Variants in CDH26 observed in about 807,000 individuals in gnomAD.
CDH26 encodes cadherin 26.
In CDH26, 83 loss-of-function variants were observed where a neutral mutation model predicts 90.3. The observed-to-expected ratio is 0.92, with a 90% CI of 0.77 to 1.10. The LOEUF is 1.10. CDH26 is among the 50% of genes least tolerant of loss of function. CDH26 has a pLI of 0.00. For synonymous variants in CDH26, 397 were observed against 396.3 expected, an observed-to-expected ratio of 1.00 and a Z score of -0.02; for missense variants, 1,013 against 1,037.6, an observed-to-expected ratio of 0.98 and a Z score of 0.33.
chr20:60,032,666 C>G lies in CDH26; in HGVS notation c.1144-820C>G, dbSNP rs181638998. ...ATATACACCATGGAATACTATTCAG[C>G]CATAAAAAAGGGTGAGTTCATGTCC... On this transcript the variant is annotated intron_variant, in intron 8 of 8. Transcript: ENST00000370991. Among the ~76,000 whole-genome samples the G allele has an allele frequency of 1.8e-4, 28 of 151,948 alleles. 1 individual carries two copies. Among genetic ancestry groups the G allele is most frequent in the African/African-American group, 6.5e-4 (27 of 41,430 alleles).
intron 3 of CDH26, among the ~76,000 whole-genome samples, chr20:59,971,067 A>G (rs1040985293): frequency 1.4e-4 from 21 of 152,118 alleles, no homozygotes; most frequent in African/African-American, 3.4e-4. Context: ...GAATCTTTAC[A>G]CCAGGCTCAT....
chr20:60,007,218 C>T (rs1399876893), intron 17 of CDH26, among the ~76,000 whole-genome samples: 1 of 152,132 alleles, frequency 6.6e-6, no homozygotes, highest in African/African-American at 2.4e-5. Flanking sequence ...GGGGTTAGGG[C>T]CTGAACATAT....
intron 2 of CDH26, 32 bp downstream of exon 2, chr20:59,969,055 A>G: frequency 7.2e-7 from 1 of 1,394,108 alleles, no homozygotes; most frequent in Non-Finnish European, 1.0e-6. Flanking sequence ...CTTAATATAT[A>G]AAATCAGTCT....
chr20:60,005,250 G>A (rs6015619), intron 16 of CDH26, among the ~76,000 whole-genome samples: 8,939 of 152,178 alleles, frequency 0.059, 886 homozygotes, highest in African/African-American at 0.2. Context: ...AAAGCTTCCA[G>A]TCAACAGTAG....
chr20:59,976,514 G>A (rs536383696), intron 4 of CDH26, among the ~76,000 whole-genome samples: 137 of 152,314 alleles, frequency 9.0e-4, no homozygotes, highest in African/African-American at 3.2e-3. Flanking sequence ...AATGGAAGGA[G>A]TACAGTTGGC....
chr20:59,982,877 T>A (rs771369184), intron 4 of CDH26, 46 bp from the exon 5 acceptor site: 2 of 1,598,694 alleles, frequency 1.3e-6, no homozygotes, highest in South Asian at 2.2e-5. Context: ...TAGAGTGTCA[T>A]CGAGTAAATG....
In CDH26 at chr20:59,996,821, A is replaced by G. The variant is rs189848740; in HGVS notation, c.2019+60A>G. The G allele has an allele frequency of 4.2e-4, 676 of 1,593,300 alleles. No individual in the cohort carries two copies. The Middle Eastern group carries it at 4.9e-3, about 11-fold the overall frequency. On this transcript the variant is annotated intron_variant, in intron 13 of 17. Transcript: ENST00000348616. ...GGAATTCACTAATACACAGACATAT[A>G]GCATGTATTTTTCCCCCCATTGTGC...
chr20:59,963,277 G>A (rs1287938889), intron 1 of CDH26, among the ~76,000 whole-genome samples: 1 of 146,076 alleles, frequency 6.8e-6, no homozygotes, highest in African/African-American at 2.5e-5. Flanking sequence ...TTTTGGCAGG[G>A]TCTCACTCTG....
intron 17 of CDH26, among the ~76,000 whole-genome samples, chr20:60,011,734 C>A (rs1319874192): frequency 1.3e-5 from 2 of 152,126 alleles, no homozygotes; most frequent in African/African-American, 2.4e-5. Context: ...AGGGGGTGCG[C>A]ACTGCACTTG....
intron 14 of CDH26, among the ~76,000 whole-genome samples, chr20:60,000,051 T>G (rs535894716): frequency 6.6e-6 from 1 of 152,380 alleles, no homozygotes; most frequent in Admixed American, 6.5e-5. Context: ...ATATTTCAAC[T>G]GTAAATGAAA....
chr20:59,967,877 C>CTT (rs1436214544), intron 1 of CDH26, among the ~76,000 whole-genome samples: 1 of 89,468 alleles, frequency 1.1e-5, no homozygotes, highest in Non-Finnish European at 2.0e-5. Context: ...TTCTTTCTTT[C>CTT]TTCCTTCCTT....
chr20:60,017,233 C>T (rs532098966), downstream of CDH26, among the ~76,000 whole-genome samples: 85 of 152,126 alleles, frequency 5.6e-4, no homozygotes, highest in Non-Finnish European at 1.1e-3. Flanking sequence ...GTGAAACCAT[C>T]CGGCCCTGAA....
intron 1 of CDH26, among the ~76,000 whole-genome samples, chr20:59,967,320 ATTTC>A (rs1483780098): frequency 2.0e-5 from 3 of 152,120 alleles, no homozygotes; most frequent in Non-Finnish European, 2.9e-5. Context: ...GTCATTCTCT[ATTTC>A]TTTCTGTATG....
chr20:60,006,882 C>T, intron 17 of CDH26, 95 bp downstream of exon 17: 1 of 879,540 alleles, frequency 1.1e-6, no homozygotes, highest in Non-Finnish European at 1.9e-6. Flanking sequence ...TCCTAAATCA[C>T]TGCATTAGTC....
intron 13 of CDH26, among the ~76,000 whole-genome samples, chr20:59,999,022 G>A (rs1039011200): frequency 7.9e-5 from 12 of 152,012 alleles, no homozygotes; most frequent in African/African-American, 2.2e-4. Flanking sequence ...GCAAGATATC[G>A]TCACTAGCTG....
intron 8 of CDH26, among the ~76,000 whole-genome samples, chr20:59,987,933 C>T (rs1253010937): frequency 6.6e-6 from 1 of 152,094 alleles, no homozygotes; most frequent in African/African-American, 2.4e-5. Flanking sequence ...TTACATAGGC[C>T]TTAAAATGAT....
At chr20:59,977,002 G>A (rs560614242) in intron 4 of CDH26, among the ~76,000 whole-genome samples, 1 of 152,122 alleles carries the variant, frequency 6.6e-6, no homozygotes, top group Non-Finnish European at 1.5e-5. Flanking sequence ...AGAATCGGCG[G>A]AAGGTGCAGT....
chr20:59,958,614 C>A lies in CDH26; in HGVS notation c.-113C>A, dbSNP rs2061027467. ...CATCTGGGCCAAAGTGACCTGAAAA[C>A]CTTTAGAGAAGAAGCTGCTGGCTGA... On this transcript the variant is annotated 5_prime_UTR_variant, in exon 1 of 18. Transcript: ENST00000348616. 4 of 977,392 alleles carry A rather than the reference C, an allele frequency of 4.1e-6. No individual in the cohort carries two copies. In the Admixed American group the frequency reaches 7.5e-5, roughly 18 times the overall value. The allele number at this position is 977,392 out of a possible 1,614,324, so 60.5% of individuals were successfully genotyped here.
chr20:59,992,420 CAAA>C lies in CDH26; in HGVS notation c.1329_1331del (p.Lys443del), dbSNP rs776891567. 1 of 1,614,080 alleles carries C rather than the reference CAAA, an allele frequency of 6.2e-7. No homozygotes were observed. The highest frequency in any genetic ancestry group is 1.7e-5 in the Admixed American group (1 of 60,010). On this transcript the variant is annotated inframe_deletion, in exon 10 of 18. Transcript: ENST00000348616. This position sits in a 1 kb window ranked among gnomAD's most constrained non-coding sequence, Gnocchi z 5.0. ...ACCCAGCAAATTGGGTCAGCGTCGACAAAAACTCCGGAGTGGTCATCACCGTGG... is the reference window on the plus strand; with the variant it reads ...ACCCAGCAAATTGGGTCAGCGTCGACAACTCCGGAGTGGTCATCACCGTGG...
Sources: allele counts gnomAD v4.1 joint callset (sites outside exome capture counted in the v4.1 genomes callset), GRCh38; gene constraint gnomAD v4.1.1; non-coding constraint Gnocchi (gnomAD v3.1); transcripts MANE v1.5; gene names NCBI Gene and HGNC (gene_info 2026-07-23, HGNC 2026-07-21).